The following ATP11A variants were observed in gnomAD, a reference collection of about 807,000 sequenced individuals.
ATP11A encodes the protein phospholipid-transporting ATPase IH.
A neutral mutation model predicts 154.4 loss-of-function variants in ATP11A; 81 were observed. The ratio of observed to expected loss-of-function variants is 0.52; its 90% CI spans 0.44 to 0.63. ATP11A has a LOEUF of 0.63. Ranked by LOEUF, ATP11A falls within the 30% of genes least tolerant of loss-of-function variation. The pLI is 0.00. For missense variants in ATP11A, 1,316 were observed against 1,474.3 expected (o/e 0.89, Z 1.76); for synonymous variants, 623 against 585.9 (o/e 1.06, Z -0.91).
chr13:112,882,348 C>T lies in ATP11A; in HGVS notation c.*482C>T, dbSNP rs757673486. 7 of 368,418 alleles carry T rather than the reference C, an allele frequency of 1.9e-5. No homozygotes were observed. The highest frequency in any genetic ancestry group is 3.6e-5 in the Non-Finnish European group (7 of 194,796). The allele number at this position is 368,418 out of a possible 1,614,324, so 22.8% of individuals were successfully genotyped here. A position where few individuals can be genotyped will look rare whatever the true frequency, so the allele number is the denominator to read the frequency against. On this transcript the variant is annotated 3_prime_UTR_variant, in exon 30 of 30. Transcript: ENST00000375645. This position sits in a 1 kb window ranked among gnomAD's most constrained non-coding sequence, Gnocchi z 5.1. The stretch of plus-strand genomic sequence containing the variant: ...TTTGCTGTCACTGGGAGAGAAGAGC[C>T]GTCCAGGGACCCATGGTGGCCCACA...
At chr13:112,790,129 TCCC>T (rs2077805505) in intron 2 of ATP11A, among the ~76,000 whole-genome samples, 1 of 114,288 alleles carries the variant, frequency 8.7e-6, no homozygotes, top group African/African-American at 3.1e-5. Flanking sequence ...GATATGTAGA[TCCC>T]TGTGGAGACC....
At chr13:112,810,235 G>A (rs1206026273) in intron 4 of ATP11A, among the ~76,000 whole-genome samples, 3 of 152,218 alleles carry the variant, frequency 2.0e-5, no homozygotes, top group Non-Finnish European at 4.4e-5. Flanking sequence ...GGGGCTTTTC[G>A]GTGTGGATGT....
rs1011093388 is a variant in ATP11A, at chr13:112,718,482, C to T, written c.39+28027C>T. On this transcript the variant is annotated intron_variant, in intron 1 of 29. Coordinates refer to ENST00000375645, the MANE Select transcript of ATP11A (RefSeq NM_015205.3). ...TGCCGCAAGTTTCATGTGAAATACC[C>T]CCAGAGGGCAGCCGCCTCCGCTGGG... Among the ~76,000 whole-genome samples, 23 of 152,260 alleles carry T rather than the reference C, an allele frequency of 1.5e-4. 2 individuals are homozygous for T. The highest frequency in any genetic ancestry group is 4.8e-4 in the African/African-American group (20 of 41,556).
At position 112,862,624 on chromosome 13, in the gene ATP11A, C is replaced by T. The variant is rs373843657; in HGVS notation, c.2991+49C>T. On this transcript the variant is annotated intron_variant, in intron 25 of 29. Coordinates refer to ENST00000375645, the MANE Select transcript of ATP11A (RefSeq NM_015205.3). ...TGACTTAGCTGCTTAGGAATAAAGCCTCCCAAGCCCATATGATGATTTTGC... is the reference window on the plus strand; with the variant it reads ...TGACTTAGCTGCTTAGGAATAAAGCTTCCCAAGCCCATATGATGATTTTGC... 9.3e-6 allele frequency: 15 copies of T among 1,610,704 alleles called. No homozygotes were observed. The South Asian group carries it at 1.1e-4, about 12-fold the overall frequency.
In ATP11A at chr13:112,756,973, A is replaced by G. The variant is rs189505494; in HGVS notation, c.40-28162A>G. Among the ~76,000 whole-genome samples the G allele has an allele frequency of 1.8e-3, 275 of 151,748 alleles. 1 individual carries two copies. The highest frequency in any genetic ancestry group is 6.2e-3 in the African/African-American group (255 of 41,348). On this transcript the variant is annotated intron_variant, in intron 1 of 29. Transcript: ENST00000375645. ...GTTGAAATTGTTACATACTAGTTAC[A>G]TCGTTTACAAAATGATCATATTTGA...
At chr13:112,873,541 A>G in intron 26 of ATP11A, 32 bp from the exon 27 acceptor site, 1 of 1,520,552 alleles carries the variant, frequency 6.6e-7, no homozygotes. Context: ...CTCAGATGAC[A>G]CCGTTAACTG....
rs766963624 is a variant in ATP11A at position 112,875,648 on chromosome 13, G to A, written c.3162-128G>A. On this transcript the variant is annotated intron_variant, in intron 27 of 29. Transcript: ENST00000375645. The surrounding 1 kb of genome is among the most constrained non-coding windows in gnomAD (Gnocchi z 4.1). ...ATATGATAAATTCAGAGCAGGCTCCGTGGCTTGCCAAGCAACTCTCACTGA... is the reference window on the plus strand; with the variant it reads ...ATATGATAAATTCAGAGCAGGCTCCATGGCTTGCCAAGCAACTCTCACTGA... 1.2e-4 allele frequency: 123 copies of A among 1,021,698 alleles called. No homozygotes were observed. Among genetic ancestry groups the A allele is most frequent in the Admixed American group, 2.6e-4 (11 of 41,904 alleles). The allele number at this position is 1,021,698 out of a possible 1,614,324, so 63.3% of individuals were successfully genotyped here. A position where few individuals can be genotyped will look rare whatever the true frequency, so the allele number is the denominator to read the frequency against.
At chr13:112,833,895 C>T (rs991727967) in intron 14 of ATP11A, among the ~76,000 whole-genome samples, 4 of 152,216 alleles carry the variant, frequency 2.6e-5, no homozygotes, top group Non-Finnish European at 4.4e-5. Context: ...TCCTCCCTGC[C>T]CTGAAGCTTT....
intron 1 of ATP11A, among the ~76,000 whole-genome samples, chr13:112,717,898 G>A (rs1888660547): frequency 6.6e-6 from 1 of 152,208 alleles, no homozygotes; most frequent in Admixed American, 6.5e-5. Flanking sequence ...CCAACATGGT[G>A]AAACCCCATC....
chr13:112,708,395 C>T (rs2139544641), intron 1 of ATP11A, among the ~76,000 whole-genome samples: 2 of 152,188 alleles, frequency 1.3e-5, no homozygotes, highest in South Asian at 2.1e-4. Flanking sequence ...ACCTAAGTCC[C>T]CTTATTATTA....
At chr13:112,805,165 G>T in intron 3 of ATP11A, 119 bp downstream of exon 3, 689 of 592,638 alleles carry the variant, frequency 1.2e-3, no homozygotes, top group East Asian at 2.2e-3. Context: ...CCTCACCTAT[G>T]ATTAATTTAT....
chr13:112,841,810 G>A (rs7988476), intron 16 of ATP11A, among the ~76,000 whole-genome samples: 2,216 of 152,358 alleles, frequency 0.015, 42 homozygotes, highest in African/African-American at 0.051. Context: ...TGGACGTGTG[G>A]GAAAAAATGA....
In ATP11A at chr13:112,859,830, C is replaced by A. The variant is rs1474746944; in HGVS notation, c.2727+378C>A. ...CACCCCGGTGCCTGGCACGTTAACA[C>A]ATGCAACGTGCCCATAGGGGAAGAA... On this transcript the variant is annotated intron_variant, in intron 23 of 29. Coordinates refer to ENST00000375645, the MANE Select transcript of ATP11A (RefSeq NM_015205.3). The surrounding 1 kb of genome is among the most constrained non-coding windows in gnomAD (Gnocchi z 4.3). Among the ~76,000 whole-genome samples, 1 of 152,220 alleles carries A rather than the reference C, an allele frequency of 6.6e-6. No homozygotes were observed. Among genetic ancestry groups the A allele is most frequent in the Admixed American group, 6.5e-5 (1 of 15,282 alleles).
At chr13:112,806,498 T>C (rs1302957999) in intron 4 of ATP11A, among the ~76,000 whole-genome samples, 1 of 152,212 alleles carries the variant, frequency 6.6e-6, no homozygotes, top group African/African-American at 2.4e-5. Flanking sequence ...TCTGGCACCA[T>C]GCGAGTTCGA....
intron 1 of ATP11A, among the ~76,000 whole-genome samples, chr13:112,700,531 G>T (rs1395410438): frequency 1.3e-5 from 2 of 152,234 alleles, no homozygotes; most frequent in African/African-American, 4.8e-5. Flanking sequence ...GGGTGCTGAG[G>T]GTGGTGGGTG....
At chr13:112,837,327 T>C (rs957045025) in intron 16 of ATP11A, among the ~76,000 whole-genome samples, 11 of 152,300 alleles carry the variant, frequency 7.2e-5, no homozygotes, top group African/African-American at 2.2e-4. Context: ...CTTTCACCCA[T>C]CTGTCCTTTC....
At chr13:112,823,826 A>G (rs557576312) in intron 9 of ATP11A, among the ~76,000 whole-genome samples, 4 of 152,344 alleles carry the variant, frequency 2.6e-5, no homozygotes, top group Admixed American at 2.6e-4. Flanking sequence ...GGTGTTCCTC[A>G]GTGTCCTTGG....
chr13:112,715,725 G>A (rs984314474), intron 1 of ATP11A, among the ~76,000 whole-genome samples: 4 of 151,266 alleles, frequency 2.6e-5, no homozygotes, highest in African/African-American at 9.7e-5. Flanking sequence ...ACCCTAACCT[G>A]TGCCTTTTCA....
At chr13:112,846,317 C>CTT (rs960344728) in intron 17 of ATP11A, among the ~76,000 whole-genome samples, 2 of 152,190 alleles carry the variant, frequency 1.3e-5, no homozygotes, top group African/African-American at 4.8e-5. Context: ...CTTACAAAGG[C>CTT]TTTTCCCTTT....
Sources: allele counts gnomAD v4.1 joint callset (sites outside exome capture counted in the v4.1 genomes callset), GRCh38; gene constraint gnomAD v4.1.1; non-coding constraint Gnocchi (gnomAD v3.1); transcripts MANE v1.5; gene names NCBI Gene and HGNC (gene_info 2026-07-23, HGNC 2026-07-21).